The following EFHD1 variants were observed in gnomAD, a reference collection of about 807,000 sequenced individuals.
EFHD1 encodes EF-hand domain family member D1.
In EFHD1, 10 loss-of-function variants were observed where a neutral mutation model predicts 17.2. The ratio of observed to expected loss-of-function variants is 0.58; its 90% confidence interval spans 0.36 to 0.99. The LOEUF is 0.99. Ranked by LOEUF, EFHD1 falls within the 50% of genes least tolerant of loss-of-function variation. EFHD1 has a pLI of 0.01. For synonymous variants in EFHD1, 153 were observed against 142.0 expected (o/e 1.08, Z -0.55); for missense variants, 310 against 327.5 (o/e 0.95, Z 0.41).
Position 232,633,618 on chromosome 2 carries a change from C to T in EFHD1, c.-87C>T. On this transcript the variant is annotated 5_prime_UTR_variant, in exon 1 of 4. Transcript: ENST00000264059. ...GCCGCCTCGGCGGAGTGTTGTAGAG[C>T]CTCGAGCCTGCGAGGAGCGCGCCGC... The T allele has an allele frequency of 7.4e-7, 1 of 1,343,352 alleles. No individual in the cohort carries two copies. 83.2% of individuals were successfully genotyped at this position (1,343,352 alleles called of 1,614,324 possible). A position where few individuals can be genotyped will look rare whatever the true frequency, so the allele number is the denominator to read the frequency against.
At chr2:232,647,790 C>T (rs1018553811) in intron 1 of EFHD1, among the ~76,000 whole-genome samples, 17 of 152,136 alleles carry the variant, frequency 1.1e-4, no homozygotes, top group African/African-American at 3.6e-4. Context: ...GCACCCACCA[C>T]CACACCCGGC....
intron 1 of EFHD1, among the ~76,000 whole-genome samples, chr2:232,659,688 G>A (rs779014569): frequency 6.6e-6 from 1 of 152,188 alleles, no homozygotes; most frequent in African/African-American, 2.4e-5. Flanking sequence ...AATGCAGACG[G>A]GTAATGAGTG....
Position 232,634,017 on chromosome 2 carries a change from G to C in EFHD1, c.302+11G>C. The C allele has an allele frequency of 6.3e-7, 1 of 1,596,758 alleles. No homozygotes were observed. The highest frequency in any genetic ancestry group is 1.1e-5 in the South Asian group (1 of 91,012). On this transcript the variant is annotated intron_variant, in intron 1 of 3. Coordinates refer to ENST00000264059, the MANE Select transcript of EFHD1 (RefSeq NM_025202.4). ...GAGCATGTTCAAACTGTGAGCTCCC[G>C]CTGCGCGCCCTTCGCCCCCGGGACC...
chr2:232,619,128 G>T (rs1245001464), intron 1 of EFHD1, among the ~76,000 whole-genome samples: 1 of 151,372 alleles, frequency 6.6e-6, no homozygotes, highest in African/African-American at 2.4e-5. Context: ...ACTCCAGCCT[G>T]GGCAACAAGA....
chr2:232,658,660 A>T (rs917256631), intron 1 of EFHD1, among the ~76,000 whole-genome samples: 1 of 152,176 alleles, frequency 6.6e-6, no homozygotes, highest in African/African-American at 2.4e-5. Flanking sequence ...GTATATTGAT[A>T]CAGTGGAATA....
At chr2:232,606,597 T>C (rs961850814) in intron 1 of EFHD1, 6 of 212,320 alleles carry the variant, frequency 2.8e-5, no homozygotes, top group East Asian at 2.1e-4. Context: ...ATCTTTAAAG[T>C]TGGGGTGCGA....
intron 3 of EFHD1, 56 bp from the exon 4 acceptor site, chr2:232,681,529 C>T (rs1695281302): frequency 6.3e-7 from 1 of 1,584,932 alleles, no homozygotes; most frequent in African/African-American, 1.3e-5. Flanking sequence ...GTCAGCAGCT[C>T]CAGGGTCCTC....
chr2:232,627,079 T>TTTTAA (rs71056285), intron 1 of EFHD1, among the ~76,000 whole-genome samples: 3 of 132,934 alleles, frequency 2.3e-5, no homozygotes, highest in African/African-American at 8.6e-5. Context: ...TTTTTTTTTT[T>TTTTAA]AATTAGCCAG....
At chr2:232,641,760 C>A (rs1694436352) in intron 1 of EFHD1, among the ~76,000 whole-genome samples, 1 of 152,356 alleles carries the variant, frequency 6.6e-6, no homozygotes, top group African/African-American at 2.4e-5. Flanking sequence ...AGAGCCTGAT[C>A]TCATTTGTCC....
intron 1 of EFHD1, among the ~76,000 whole-genome samples, chr2:232,656,229 C>T (rs548171458): frequency 3.9e-5 from 6 of 152,188 alleles, no homozygotes; most frequent in African/African-American, 1.4e-4. Context: ...AGGACTGTGG[C>T]CCTTGCATTC....
intron 1 of EFHD1, among the ~76,000 whole-genome samples, chr2:232,644,575 C>T (rs112445216): frequency 0.077 from 11,659 of 151,380 alleles, 567 homozygotes; most frequent in African/African-American, 0.12. Flanking sequence ...TGCAGTGGTG[C>T]GATCTCGGCT....
At chr2:232,631,713 C>CAAAA (rs1694206577), upstream of EFHD1, among the ~76,000 whole-genome samples, 2 of 106,402 alleles carry the variant, frequency 1.9e-5, no homozygotes, top group African/African-American at 7.3e-5. Flanking sequence ...AAAACAAAAA[C>CAAAA]AAAACCAGCT....
At chr2:232,678,324 T>G (rs1695214876) in intron 3 of EFHD1, among the ~76,000 whole-genome samples, 1 of 152,070 alleles carries the variant, frequency 6.6e-6, no homozygotes, top group Non-Finnish European at 1.5e-5. Context: ...TGATTACATT[T>G]AAGGAGATAG....
intron 1 of EFHD1, among the ~76,000 whole-genome samples, chr2:232,645,318 G>A (rs1270300133): frequency 1.3e-5 from 2 of 152,014 alleles, no homozygotes; most frequent in Non-Finnish European, 2.9e-5. Flanking sequence ...TCGTGCCCAC[G>A]GCTGGCCACT....
At chr2:232,615,205 T>C (rs531773687) in intron 1 of EFHD1, among the ~76,000 whole-genome samples, 20 of 152,214 alleles carry the variant, frequency 1.3e-4, no homozygotes, top group African/African-American at 4.1e-4. Flanking sequence ...CTTCTGTCAA[T>C]AGCAGGCTAT....
intron 1 of EFHD1, among the ~76,000 whole-genome samples, chr2:232,622,591 G>C (rs945317654): frequency 4.0e-5 from 6 of 151,786 alleles, no homozygotes; most frequent in Non-Finnish European, 8.8e-5. Flanking sequence ...TGAACACCTT[G>C]GTGAGAGGTG....
chr2:232,611,527 G>A (rs555374721), intron 1 of EFHD1: 13 of 152,298 alleles, frequency 8.5e-5, no homozygotes, highest in Admixed American at 7.2e-4. Context: ...GTGGGCCAGC[G>A]GTGCCCCCAG....
At chr2:232,664,457 TA>T (rs1052753820) in intron 2 of EFHD1, among the ~76,000 whole-genome samples, 7 of 151,754 alleles carry the variant, frequency 4.6e-5, no homozygotes, top group East Asian at 1.9e-4. Context: ...TATTTTTTAT[TA>T]AAAAAAATTT....
chr2:232,649,498 T>C (rs1167221112), intron 1 of EFHD1, among the ~76,000 whole-genome samples: 1 of 152,132 alleles, frequency 6.6e-6, no homozygotes. Context: ...GATTTGGGTT[T>C]TCCCCAGAAA....
Sources: allele counts gnomAD v4.1 joint callset (sites outside exome capture counted in the v4.1 genomes callset), GRCh38; gene constraint gnomAD v4.1.1; transcripts MANE v1.5; gene names NCBI Gene and HGNC (gene_info 2026-07-23, HGNC 2026-07-21).